Variants in DAB1 observed in about 807,000 individuals in gnomAD.
DAB1 encodes the protein disabled homolog 1.
Under a neutral mutation model 64.6 loss-of-function variants are expected in DAB1, and 15 were observed. That is an observed-to-expected ratio of 0.23 (90% confidence interval 0.16 to 0.36). DAB1 has a LOEUF of 0.36. DAB1 is among the 10% of genes least tolerant of loss of function. DAB1 has a pLI of 1.00. For missense variants in DAB1, 596 were observed against 706.7 expected, an observed-to-expected ratio of 0.84 and a Z score of 1.78; for synonymous variants, 235 against 251.9, an observed-to-expected ratio of 0.93 and a Z score of 0.64.
intron 2 of DAB1, among the ~76,000 whole-genome samples, chr1:57,159,959 C>T (rs1660595927): frequency 6.6e-6 from 1 of 151,342 alleles, no homozygotes; most frequent in Non-Finnish European, 1.5e-5. Flanking sequence ...CCCATGAAGG[C>T]TTGAGGAGCG....
chr1:58,375,767 C>T (rs2100541265), intron 3 of DAB1, among the ~76,000 whole-genome samples: 1 of 144,582 alleles, frequency 6.9e-6, no homozygotes, highest in South Asian at 2.3e-4. Flanking sequence ...GTACCAGTTC[C>T]TCCTTGTACC....
In DAB1 at chr1:57,439,449, A is replaced by G. The variant is rs12075727; in HGVS notation, n.626-148283T>C. Reference sequence around the variant, plus strand: ...TCTTTTTTTTTTTTTTTTTTTTTTGAGACGGAGTCTCCTCTGTAGCCCAGG... The same window carrying G: ...TCTTTTTTTTTTTTTTTTTTTTTTGGGACGGAGTCTCCTCTGTAGCCCAGG... On this transcript the variant is annotated intron_variant and non_coding_transcript_variant, in intron 7 of 20. Coordinates refer to the DAB1 transcript ENST00000485760. Among the ~76,000 whole-genome samples, 18 of 67,090 alleles carry G rather than the reference A, an allele frequency of 2.7e-4. No individual in the cohort carries two copies. The East Asian group carries it at 6.7e-3, about 25-fold the overall frequency. The allele number at this position is 67,090 out of a possible 152,430, so 44.0% of individuals were successfully genotyped here. A position where few individuals can be genotyped will look rare whatever the true frequency, so the allele number is the denominator to read the frequency against.
chr1:57,998,276 C>A (rs1317328010), intron 5 of DAB1, among the ~76,000 whole-genome samples: 1 of 152,178 alleles, frequency 6.6e-6, no homozygotes, highest in Non-Finnish European at 1.5e-5. Flanking sequence ...TGCCTCAGCT[C>A]CCTCAGCTGT....
intron 6 of DAB1, among the ~76,000 whole-genome samples, chr1:57,786,901 A>G (rs544274016): frequency 1.3e-5 from 2 of 152,310 alleles, no homozygotes; most frequent in East Asian, 3.9e-4. Context: ...GTTTTCTTCA[A>G]TAAGCTAATC....
chr1:57,669,272 C>A (rs1417693192), intron 6 of DAB1, among the ~76,000 whole-genome samples: 1 of 152,110 alleles, frequency 6.6e-6, no homozygotes, highest in African/African-American at 2.4e-5. Context: ...TAGTCAAATG[C>A]TTTGAATTGC....
chr1:57,555,256 A>G (rs1290410226), intron 7 of DAB1, among the ~76,000 whole-genome samples: 1 of 151,834 alleles, frequency 6.6e-6, no homozygotes, highest in Admixed American at 6.6e-5. Context: ...GATGGTCTCC[A>G]TCTCTTGACC....
At chr1:58,541,614 C>CAAAAAAAAAAAAAAAAAAAAAAAAAAAAA (rs60360589) in intron 1 of DAB1, 5 of 65,632 alleles carry the variant, frequency 7.6e-5, no homozygotes, top group Non-Finnish European at 8.0e-5. Flanking sequence ...GAGAACCTGT[C>CAAAAAAAAAAAAAAAAAAAAAAAAAAAAA]AAAAAAAAAA....
At position 57,546,551 on chromosome 1, in the gene DAB1, T is replaced by C. The variant is rs190395199; in HGVS notation, n.625+103041A>G. On this transcript the variant is annotated intron_variant and non_coding_transcript_variant, in intron 7 of 20. Coordinates refer to the DAB1 transcript ENST00000485760. ...CTGTAAAATGAGGATAATAATAGTA[T>C]CCCCTTTACAGAACAGTTTGAGAAT... 1.0e-3 allele frequency among the ~76,000 whole-genome samples: 158 copies of C among 152,274 alleles called. 2 individuals are homozygous for C. Among genetic ancestry groups the C allele is most frequent in the Non-Finnish European group, 1.3e-4 (9 of 68,012 alleles).
intron 6 of DAB1, among the ~76,000 whole-genome samples, chr1:57,672,581 A>G (rs1189403961): frequency 6.6e-6 from 1 of 152,182 alleles, no homozygotes. Context: ...CTGAATGTCA[A>G]TCACTTGAAT....
intron 7 of DAB1, among the ~76,000 whole-genome samples, chr1:57,473,410 G>A (rs1302356923): frequency 2.6e-5 from 4 of 152,124 alleles, no homozygotes; most frequent in Non-Finnish European, 4.4e-5. Flanking sequence ...ACTGACACAG[G>A]TGAGACAAAC....
chr1:58,364,553 C>T (rs959083085), intron 3 of DAB1, among the ~76,000 whole-genome samples: 1 of 152,182 alleles, frequency 6.6e-6, no homozygotes, highest in African/African-American at 2.4e-5. Context: ...GGCTACTCAG[C>T]CTCCACACCT....
chr1:58,206,379 A>G (rs984950171), intron 4 of DAB1, among the ~76,000 whole-genome samples: 2 of 152,198 alleles, frequency 1.3e-5, no homozygotes, highest in Non-Finnish European at 2.9e-5. Context: ...ATTGGGAGGA[A>G]AGTATGCAGC....
intron 3 of DAB1, among the ~76,000 whole-genome samples, chr1:58,479,389 A>G (rs1645450596): frequency 6.6e-6 from 1 of 152,222 alleles, no homozygotes; most frequent in South Asian, 2.1e-4. Flanking sequence ...CAAGTAATGT[A>G]TAATAATCCC....
At chr1:58,255,985 C>T (rs1222162972) in intron 4 of DAB1, among the ~76,000 whole-genome samples, 1 of 152,228 alleles carries the variant, frequency 6.6e-6, no homozygotes, top group Non-Finnish European at 1.5e-5. Context: ...GATTCTGACA[C>T]TTCTTGGCCC....
chr1:57,748,845 A>T (rs1406919195), intron 6 of DAB1, among the ~76,000 whole-genome samples: 2 of 152,354 alleles, frequency 1.3e-5, no homozygotes, highest in Non-Finnish European at 2.9e-5. Flanking sequence ...TTGGCATGCT[A>T]ATGAATGGAA....
intron 7 of DAB1, among the ~76,000 whole-genome samples, chr1:57,498,937 G>C (rs1644259702): frequency 6.6e-6 from 1 of 152,116 alleles, no homozygotes; most frequent in South Asian, 2.1e-4. Flanking sequence ...GGAGGAAATG[G>C]GGGCAGGAGG....
At chr1:57,282,139 C>T (rs1385390306) in intron 2 of DAB1, among the ~76,000 whole-genome samples, 2 of 141,516 alleles carry the variant, frequency 1.4e-5, no homozygotes, top group African/African-American at 5.3e-5. Flanking sequence ...GCTGAGATCA[C>T]ACCACTGCAC....
intron 6 of DAB1, among the ~76,000 whole-genome samples, chr1:57,689,196 T>C (rs1646735356): frequency 6.6e-6 from 1 of 152,212 alleles, no homozygotes; most frequent in Admixed American, 6.6e-5. Flanking sequence ...TTTACCTAGC[T>C]TTCTTAGGAA....
intron 1 of DAB1, among the ~76,000 whole-genome samples, chr1:57,333,505 A>AT (rs1278814954): frequency 2.0e-5 from 3 of 152,192 alleles, no homozygotes; most frequent in African/African-American, 7.2e-5. Context: ...TCCTATTCTT[A>AT]TTTCTCCACC....
Sources: allele counts gnomAD v4.1 joint callset (sites outside exome capture counted in the v4.1 genomes callset), GRCh38; gene constraint gnomAD v4.1.1; transcripts MANE v1.5; gene names NCBI Gene and HGNC (gene_info 2026-07-23, HGNC 2026-07-21).